The following RBFOX1 variants were observed in gnomAD, a reference collection of about 807,000 sequenced individuals.
RBFOX1 encodes the protein RNA binding protein fox-1 homolog 1.
A neutral mutation model predicts 57.7 loss-of-function variants in RBFOX1; 8 were observed. That is an observed-to-expected ratio of 0.14 (90% confidence interval 0.08 to 0.25). RBFOX1 has a LOEUF of 0.25. Ranked by LOEUF, RBFOX1 falls within the 10% of genes least tolerant of loss-of-function variation. The pLI, the probability that RBFOX1 is intolerant of heterozygous loss-of-function variation, is 1.00. For missense variants in RBFOX1, 611 were observed against 548.5 expected, an observed-to-expected ratio of 1.11 and a Z score of -1.14; for synonymous variants, 326 against 222.4, an observed-to-expected ratio of 1.47 and a Z score of -4.15.
At chr16:7,576,363 T>G (rs935349019) in intron 5 of RBFOX1, among the ~76,000 whole-genome samples, 1 of 152,226 alleles carries the variant, frequency 6.6e-6, no homozygotes, top group Non-Finnish European at 1.5e-5. Flanking sequence ...TCCCACCATA[T>G]AAAAGGCATG....
chr16:5,936,361 T>A (rs189433111), intron 4 of RBFOX1, among the ~76,000 whole-genome samples: 54 of 152,288 alleles, frequency 3.5e-4, no homozygotes, highest in African/African-American at 1.2e-3. Flanking sequence ...TGACCTCAAG[T>A]GATCCACCTA....
Position 7,269,117 on chromosome 16 carries a change from G to A in RBFOX1, c.27+217019G>A, listed in dbSNP as rs571760697. 4.9e-4 allele frequency among the ~76,000 whole-genome samples: 71 copies of A among 146,310 alleles called. 1 individual carries two copies. In the East Asian group the frequency reaches 8.9e-3, roughly 18 times the overall value. ...TAACCCTCACAGCCCATAGTCCTTC[G>A]TCTTCCTCTGAAAAAATATGAAATA... On this transcript the variant is annotated intron_variant, in intron 4 of 15. Transcript: ENST00000550418.
intron 2 of RBFOX1, among the ~76,000 whole-genome samples, chr16:6,440,801 GAAA>G (rs140805062): frequency 5.1e-4 from 60 of 118,558 alleles, no homozygotes; most frequent in African/African-American, 1.8e-3. Flanking sequence ...ACACCATCTG[GAAA>G]AAAAAAAAAA....
chr16:5,392,784 C>G (rs2066449378), intron 1 of RBFOX1, among the ~76,000 whole-genome samples: 1 of 152,114 alleles, frequency 6.6e-6, no homozygotes, highest in South Asian at 2.1e-4. Context: ...ATCCCTGGGT[C>G]TGTTGTACAC....
At chr16:5,408,410 G>C (rs796680146) in intron 1 of RBFOX1, among the ~76,000 whole-genome samples, 1 of 152,152 alleles carries the variant, frequency 6.6e-6, no homozygotes, top group Non-Finnish European at 1.5e-5. Context: ...GGAGGGTGCC[G>C]CGGTATGAAT....
intron 4 of RBFOX1, among the ~76,000 whole-genome samples, chr16:7,322,979 G>C (rs1469006814): frequency 6.6e-6 from 1 of 152,088 alleles, no homozygotes; most frequent in Admixed American, 6.6e-5. Flanking sequence ...GGGTGGTGTA[G>C]GTCAGCTCTT....
intron 3 of RBFOX1, among the ~76,000 whole-genome samples, chr16:6,674,003 T>C (rs2098784726): frequency 1.3e-5 from 2 of 152,272 alleles, no homozygotes; most frequent in Admixed American, 6.5e-5. Context: ...AGGGAGGAAT[T>C]ACTTCTTTTA....
At chr16:6,168,933 G>A (rs1249071499) in intron 1 of RBFOX1, among the ~76,000 whole-genome samples, 2 of 152,124 alleles carry the variant, frequency 1.3e-5, no homozygotes, top group East Asian at 1.9e-4. Context: ...GGAGTAGGAA[G>A]AAGGTCTCTG....
At chr16:6,601,397 G>A (rs1009463596) in intron 2 of RBFOX1, among the ~76,000 whole-genome samples, 5 of 152,096 alleles carry the variant, frequency 3.3e-5, no homozygotes, top group Non-Finnish European at 7.3e-5. Flanking sequence ...CGGTGCTTTT[G>A]TTGGTATTGT....
chr16:7,614,290 T>C (rs2058064115), intron 10 of RBFOX1: 1 of 152,240 alleles, frequency 6.6e-6, no homozygotes, highest in Non-Finnish European at 1.5e-5. Flanking sequence ...GAGTTTATCT[T>C]GCACATCTGT....
At chr16:5,802,318 A>G (rs1193253286) in intron 3 of RBFOX1, among the ~76,000 whole-genome samples, 1 of 152,146 alleles carries the variant, frequency 6.6e-6, no homozygotes, top group Non-Finnish European at 1.5e-5. Flanking sequence ...ACTTGCAGCC[A>G]GGGAACCAAC....
intron 4 of RBFOX1, among the ~76,000 whole-genome samples, chr16:7,410,921 C>T (rs1165234378): frequency 6.6e-6 from 1 of 151,558 alleles, no homozygotes; most frequent in Non-Finnish European, 1.5e-5. Flanking sequence ...CTACTCTTCA[C>T]CTAGTAATCA....
chr16:5,690,153 G>A (rs979190002), intron 3 of RBFOX1, among the ~76,000 whole-genome samples: 1 of 152,200 alleles, frequency 6.6e-6, no homozygotes, highest in Non-Finnish European at 1.5e-5. Context: ...CCCTGAAAAG[G>A]AGTCTTGGTT....
chr16:6,355,175 T>A (rs1373241622), intron 2 of RBFOX1, among the ~76,000 whole-genome samples: 1 of 152,344 alleles, frequency 6.6e-6, no homozygotes, highest in East Asian at 1.9e-4. Flanking sequence ...GGGGTACATG[T>A]GCAGAACGTG....
intron 1 of RBFOX1, among the ~76,000 whole-genome samples, chr16:5,425,292 G>A (rs1160621552): frequency 6.6e-6 from 1 of 152,028 alleles, no homozygotes; most frequent in Non-Finnish European, 1.5e-5. Context: ...TTTTAGTAGA[G>A]ATGTGGCTTT....
intron 2 of RBFOX1, among the ~76,000 whole-genome samples, chr16:5,581,648 G>A (rs12448136): frequency 6.6e-6 from 1 of 152,014 alleles, no homozygotes; most frequent in Non-Finnish European, 1.5e-5. Context: ...TGACATGAAG[G>A]ATGTGTAGGA....
chr16:5,413,886 C>A (rs1376036956), intron 1 of RBFOX1, among the ~76,000 whole-genome samples: 1 of 152,058 alleles, frequency 6.6e-6, no homozygotes, highest in Non-Finnish European at 1.5e-5. Context: ...GATGTTTGCC[C>A]TTCCCATTCC....
chr16:7,033,025 C>G (rs767995555), intron 3 of RBFOX1, among the ~76,000 whole-genome samples: 1 of 152,164 alleles, frequency 6.6e-6, no homozygotes. Flanking sequence ...GCAGGAGCAC[C>G]TACTGTGTAG....
At chr16:7,244,689 C>G (rs566933649) in intron 4 of RBFOX1, among the ~76,000 whole-genome samples, 1 of 152,260 alleles carries the variant, frequency 6.6e-6, no homozygotes, top group South Asian at 2.1e-4. Context: ...TGGGTACTTT[C>G]CAGTTTTCAC....
Sources: gnomAD v4.1 joint callset for allele counts (sites outside exome capture counted in the v4.1 genomes callset) on GRCh38, gnomAD v4.1.1 for gene constraint, MANE v1.5 for transcripts, NCBI Gene and HGNC (gene_info 2026-07-23, HGNC 2026-07-21) for gene names.